GABRA3: variants seen among roughly 807,000 people sequenced by gnomAD.
The protein encoded by GABRA3 is gamma-aminobutyric acid receptor subunit alpha-3.
A neutral mutation model predicts 30.1 loss-of-function variants in GABRA3; 10 were observed. That is an observed-to-expected ratio of 0.33 (90% CI 0.20 to 0.56). The LOEUF (loss-of-function observed/expected upper bound fraction) is 0.56. Ranked by LOEUF, GABRA3 falls within the 20% of genes least tolerant of loss-of-function variation. GABRA3 has a pLI of 0.89. For missense variants in GABRA3, 233 were observed against 392.0 expected (o/e 0.59, Z 3.42); for synonymous variants, 151 against 146.8 (o/e 1.03, Z -0.21).
intron 4 of GABRA3, among the ~76,000 whole-genome samples, chrX:152,278,470 T>G (rs1161850821): frequency 8.9e-5 from 10 of 111,787 alleles, no homozygotes; most frequent in Non-Finnish European, 1.9e-4. Context: ...TAGTATTCCA[T>G]GCTGTATATG....
intron 1 of GABRA3, among the ~76,000 whole-genome samples, chrX:152,438,488 C>A (rs181623710): frequency 8.9e-6 from 1 of 112,238 alleles, no homozygotes; most frequent in East Asian, 2.8e-4. Context: ...AAACTTATAT[C>A]CACACAAAAA....
intron 5 of GABRA3, among the ~76,000 whole-genome samples, chrX:152,231,174 TAC>T (rs1280208203): frequency 2.8e-5 from 3 of 107,495 alleles, no homozygotes; most frequent in East Asian, 5.9e-4. Flanking sequence ...TATGTATATA[TAC>T]ACACATATGT....
At chrX:152,314,965 T>A (rs1939851116) in intron 3 of GABRA3, among the ~76,000 whole-genome samples, 1 of 110,949 alleles carries the variant, frequency 9.0e-6, no homozygotes, top group South Asian at 3.9e-4. Context: ...ATAAAAAGAT[T>A]TTTTTTCTAG....
intron 9 of GABRA3, among the ~76,000 whole-genome samples, chrX:152,185,468 A>G (rs190026766): frequency 3.6e-5 from 4 of 111,375 alleles, no homozygotes; most frequent in Non-Finnish European, 5.7e-5. Flanking sequence ...CTAACAATCT[A>G]TTTAAGTCCT....
intron 3 of GABRA3, among the ~76,000 whole-genome samples, chrX:152,285,415 T>C (rs1939275680): frequency 9.0e-6 from 1 of 111,628 alleles, no homozygotes; most frequent in Non-Finnish European, 1.9e-5. Context: ...TATCATTTGA[T>C]ACACTCTTTA....
chrX:152,314,990 G>A (rs1323921236), intron 3 of GABRA3, among the ~76,000 whole-genome samples: 3 of 110,990 alleles, frequency 2.7e-5, no homozygotes, highest in African/African-American at 9.8e-5. Context: ...AAAAATGGTG[G>A]ATAGGAGGCA....
chrX:152,233,471 G>A (rs2124390855), intron 5 of GABRA3, among the ~76,000 whole-genome samples: 1 of 109,672 alleles, frequency 9.1e-6, no homozygotes, highest in African/African-American at 3.3e-5. Context: ...GGCCATCAGA[G>A]AAATGCAAAT....
chrX:152,405,867 C>T (rs1929921412), intron 1 of GABRA3, among the ~76,000 whole-genome samples: 1 of 111,601 alleles, frequency 9.0e-6, no homozygotes, highest in African/African-American at 3.3e-5. Context: ...CAGTACTGTG[C>T]TGGCTTCAGG....
At chrX:152,376,878 A>AC (rs1194847974) in intron 1 of GABRA3, among the ~76,000 whole-genome samples, 1 of 111,688 alleles carries the variant, frequency 9.0e-6, no homozygotes, top group Non-Finnish European at 1.9e-5. Flanking sequence ...CAGAGTTAAC[A>AC]CAACAGAAAA....
At chrX:152,296,990 G>T (rs774270572) in intron 3 of GABRA3, among the ~76,000 whole-genome samples, 1 of 111,690 alleles carries the variant, frequency 9.0e-6, no homozygotes, top group Admixed American at 9.5e-5. Flanking sequence ...GAGCCACCAT[G>T]CCCGGCCAGC....
chrX:152,335,478 C>T (rs1393135073), intron 3 of GABRA3, among the ~76,000 whole-genome samples: 1 of 111,703 alleles, frequency 9.0e-6, no homozygotes, highest in Non-Finnish European at 1.9e-5. Flanking sequence ...ATTGGATGTA[C>T]AGGCCAAACT....
chrX:152,396,436 G>A (rs762409917), intron 1 of GABRA3, among the ~76,000 whole-genome samples: 2 of 111,999 alleles, frequency 1.8e-5, no homozygotes, highest in East Asian at 5.7e-4. Context: ...AAAGGACTCT[G>A]AGACATGTTT....
In GABRA3 at chrX:152,256,191, G is replaced by A. The variant is rs142941644; in HGVS notation, c.331-193C>T. ...AATGCCATGGAGATTAATAAGCATG[G>A]GGATAACATATTTGACAAGGCATTT... On this transcript the variant is annotated intron_variant, in intron 4 of 9. Coordinates refer to ENST00000370314, the MANE Select transcript of GABRA3 (RefSeq NM_000808.4). 4.0e-3 allele frequency among the ~76,000 whole-genome samples: 447 copies of A among 111,101 alleles called. 3 individuals are homozygous for A. The highest frequency in any genetic ancestry group is 0.014 in the African/African-American group (427 of 30,534).
chrX:152,290,724 C>G (rs1474189627), intron 3 of GABRA3, among the ~76,000 whole-genome samples: 1 of 111,963 alleles, frequency 8.9e-6, no homozygotes, highest in Non-Finnish European at 1.9e-5. Context: ...TTTCAACTTT[C>G]TACATATGGC....
At chrX:152,291,305 G>A (rs1266826178) in intron 3 of GABRA3, among the ~76,000 whole-genome samples, 1 of 111,191 alleles carries the variant, frequency 9.0e-6, no homozygotes, top group Non-Finnish European at 1.9e-5. Context: ...CTCATGATGT[G>A]GCTCTCTGTC....
intron 9 of GABRA3, among the ~76,000 whole-genome samples, chrX:152,169,517 T>C (rs1024675427): frequency 2.7e-5 from 3 of 111,675 alleles, no homozygotes; most frequent in East Asian, 2.8e-4. Context: ...TCACTGGGCC[T>C]CCCCTGATGC....
chrX:152,231,726 C>A (rs2124388495), intron 5 of GABRA3, among the ~76,000 whole-genome samples: 1 of 111,518 alleles, frequency 9.0e-6, no homozygotes, highest in Non-Finnish European at 1.9e-5. Flanking sequence ...CTGTTTATAG[C>A]AGCTTTATTC....
At chrX:152,433,554 A>C (rs1930700471) in intron 1 of GABRA3, among the ~76,000 whole-genome samples, 1 of 109,983 alleles carries the variant, frequency 9.1e-6, no homozygotes. Context: ...TAGTTACAGC[A>C]TTAAATCTTA....
At chrX:152,375,045 T>C (rs1182236674) in intron 1 of GABRA3, among the ~76,000 whole-genome samples, 1 of 111,564 alleles carries the variant, frequency 9.0e-6, no homozygotes, top group Non-Finnish European at 1.9e-5. Context: ...GAAGAATCAA[T>C]ACCATGAAAA....
Sources: gnomAD v4.1 joint callset for allele counts (sites outside exome capture counted in the v4.1 genomes callset) on GRCh38, gnomAD v4.1.1 for gene constraint, MANE v1.5 for transcripts, NCBI Gene and HGNC (gene_info 2026-07-23, HGNC 2026-07-21) for gene names.